The following SMARCD3 variants were observed in gnomAD, a reference collection of about 807,000 sequenced individuals.
SMARCD3 encodes the protein SWI/SNF-related matrix-associated actin-dependent regulator of chromatin subfamily D member 3.
Under a neutral mutation model 58.0 loss-of-function variants are expected in SMARCD3, and 14 were observed. The observed-to-expected ratio is 0.24, with a 90% CI of 0.16 to 0.38. The LOEUF is 0.38. Among genes scored for constraint, SMARCD3 ranks in the 10% least tolerant of loss-of-function variants. SMARCD3 has a pLI of 1.00. For synonymous variants in SMARCD3, 253 were observed against 253.8 expected, an observed-to-expected ratio of 1.00 and a Z score of 0.03; for missense variants, 408 against 636.9, an observed-to-expected ratio of 0.64 and a Z score of 3.87.
intron 2 of SMARCD3, among the ~76,000 whole-genome samples, chr7:151,270,461 A>G (rs1159029501): frequency 6.6e-6 from 1 of 152,184 alleles, no homozygotes; most frequent in Non-Finnish European, 1.5e-5. Flanking sequence ...ACTGTGTGGA[A>G]CAAGACAGAT....
At position 151,245,390 on chromosome 7, in the gene SMARCD3, T is replaced by C. The variant is rs1237632979; in HGVS notation, c.290+70A>G. The C allele has an allele frequency of 6.9e-6, 4 of 577,172 alleles. No individual in the cohort carries two copies. In the Admixed American group the frequency reaches 1.3e-4, roughly 19 times the overall value. 35.8% of individuals were successfully genotyped at this position (577,172 alleles called of 1,614,324 possible). ...GCCCCTTCCAATCCCCGCTACTCGC[T>C]TACCTGGTCCCTGCGGGTCCCCCAG... On this transcript the variant is annotated intron_variant, in intron 2 of 12. Transcript: ENST00000262188. This position sits in a 1 kb window ranked among gnomAD's most constrained non-coding sequence, Gnocchi z 6.2.
At chr7:151,253,844 A>T in intron 2 of SMARCD3, among the ~76,000 whole-genome samples, 1 of 152,092 alleles carries the variant, frequency 6.6e-6, no homozygotes, top group Non-Finnish European at 1.5e-5. Flanking sequence ...CTGGCGGGCA[A>T]TAGGGCCACG....
rs1584873201 is a variant in SMARCD3, at chr7:151,246,178, G to A, written c.79-507C>T. ...GCTTTGCTCTCTGCGGCTTGGTTGA[G>A]GTCCGGTACCCGGCTCCCTGCTCCG... On this transcript the variant is annotated intron_variant, in intron 1 of 12. Transcript: ENST00000262188. This position sits in a 1 kb window ranked among gnomAD's most constrained non-coding sequence, Gnocchi z 4.4. 6.5e-6 allele frequency: 1 copy of A among 152,792 alleles called. No homozygotes were observed. Among genetic ancestry groups the A allele is most frequent in the Non-Finnish European group, 1.5e-5 (1 of 68,474 alleles). The allele number at this position is 152,792 out of a possible 1,614,324, so 9.5% of individuals were successfully genotyped here.
chr7:151,262,675 G>A (rs1232813895), intron 2 of SMARCD3, among the ~76,000 whole-genome samples: 1 of 152,214 alleles, frequency 6.6e-6, no homozygotes, highest in Non-Finnish European at 1.5e-5. Context: ...GGCCCCGCGG[G>A]AGCAGGGAGG....
upstream of SMARCD3, among the ~76,000 whole-genome samples, chr7:151,253,653 G>A (rs530842803): frequency 6.6e-6 from 1 of 152,270 alleles, no homozygotes; most frequent in East Asian, 1.9e-4. Context: ...TTCACAGCAG[G>A]TTTTCTCTTA....
chr7:151,265,460 A>C (rs1302735935), intron 2 of SMARCD3, among the ~76,000 whole-genome samples: 1 of 152,204 alleles, frequency 6.6e-6, no homozygotes, highest in Non-Finnish European at 1.5e-5. Flanking sequence ...TCTGTTGTTT[A>C]AGCTGCCAGG....
chr7:151,260,298 C>T (rs1290920279), intron 2 of SMARCD3, among the ~76,000 whole-genome samples: 12 of 132,458 alleles, frequency 9.1e-5, no homozygotes, highest in Admixed American at 7.6e-4. Context: ...ATCAAGATCC[C>T]TGGAAGCCTG....
chr7:151,247,571 G>A (rs1803328470), intron 1 of SMARCD3, among the ~76,000 whole-genome samples: 1 of 152,070 alleles, frequency 6.6e-6, no homozygotes, highest in African/African-American at 2.4e-5. Flanking sequence ...TTACTGAGAG[G>A]GTGTCTTCCT....
chr7:151,259,074 G>A (rs542527895), intron 2 of SMARCD3, among the ~76,000 whole-genome samples: 6 of 152,126 alleles, frequency 3.9e-5, no homozygotes, highest in East Asian at 3.9e-4. Flanking sequence ...GCTCCAGGCC[G>A]GGTGCAGTGG....
Position 151,248,472 on chromosome 7 carries a change from T to C in SMARCD3, c.78+13A>G, listed in dbSNP as rs1389915994. ...GCTCGCTTGCCCTCCCCCGCTAACT[T>C]TCCCCCACTCACCACCCCATGGACC... On this transcript the variant is annotated intron_variant, in intron 1 of 12. Coordinates refer to ENST00000262188, the MANE Select transcript of SMARCD3 (RefSeq NM_001003801.2). This position sits in a 1 kb window ranked among gnomAD's most constrained non-coding sequence, Gnocchi z 6.1. 4.4e-6 allele frequency: 7 copies of C among 1,603,584 alleles called. No homozygotes were observed. Among genetic ancestry groups the C allele is most frequent in the Non-Finnish European group, 5.1e-6 (6 of 1,171,954 alleles).
intron 2 of SMARCD3, among the ~76,000 whole-genome samples, chr7:151,260,798 G>A (rs1191359968): frequency 6.6e-6 from 1 of 152,220 alleles, no homozygotes; most frequent in Non-Finnish European, 1.5e-5. Context: ...GGTAGGAGAA[G>A]CGATGAGAAC....
chr7:151,242,440 C>T lies in SMARCD3; in HGVS notation c.579+41G>A. 2 of 1,604,610 alleles carry T rather than the reference C, an allele frequency of 1.2e-6. No homozygotes were observed. On this transcript the variant is annotated intron_variant, in intron 5 of 12. Coordinates refer to ENST00000262188, the MANE Select transcript of SMARCD3 (RefSeq NM_001003801.2). This position sits in a 1 kb window ranked among gnomAD's most constrained non-coding sequence, Gnocchi z 4.7. Reference sequence around the variant, plus strand: ...TGTTCTGTTCTCAGTGCAGCCCATGCCCACCCCAGGACACCTGGAGAGACC... The same window carrying T: ...TGTTCTGTTCTCAGTGCAGCCCATGTCCACCCCAGGACACCTGGAGAGACC...
intron 2 of SMARCD3, among the ~76,000 whole-genome samples, chr7:151,259,615 T>TTTTTTTG (rs1803848661): frequency 7.4e-6 from 1 of 134,286 alleles, no homozygotes; most frequent in Non-Finnish European, 1.6e-5. Context: ...TTTTTTTTTT[T>TTTTTTTG]TTTTTTTTTT....
chr7:151,245,566 G>A lies in SMARCD3; in HGVS notation c.184C>T (p.Pro62Ser), dbSNP rs899283546. 88 of 1,174,288 alleles carry A rather than the reference G, an allele frequency of 7.5e-5. No individual in the cohort carries two copies. Among genetic ancestry groups the A allele is most frequent in the Middle Eastern group, 3.2e-4 (1 of 3,092 alleles). The allele number at this position is 1,174,288 out of a possible 1,614,324, so 72.7% of individuals were successfully genotyped here. ...TTGCGGGCGGGCTCCATGCCCGCGG[G>A]GGCCAGGCCGGGTCGCACGGCGGGG... The part of the protein sequence containing the change: ...GSPAVRPGLA[P>S]AGMEPARKRA... Residue 62 changes from proline (P) to serine (S), a missense_variant, in exon 2 of 13, where the codon CCC (proline) becomes TCC (serine). Transcript: ENST00000262188. The surrounding 1 kb of genome is among the most constrained non-coding windows in gnomAD (Gnocchi z 6.2).
chr7:151,259,601 G>GTTTTCTTTTTTTT (rs1803839487), intron 2 of SMARCD3, among the ~76,000 whole-genome samples: 1 of 70,532 alleles, frequency 1.4e-5, no homozygotes, highest in Non-Finnish European at 2.6e-5. Flanking sequence ...CAACCTGAGA[G>GTTTTCTTTTTTTT]TTTTTTTTTT....
intron 2 of SMARCD3, among the ~76,000 whole-genome samples, chr7:151,258,394 G>A (rs1247556005): frequency 6.6e-6 from 1 of 151,788 alleles, no homozygotes; most frequent in African/African-American, 2.4e-5. Context: ...GTGAAACCCC[G>A]TCTCTACTAA....
rs1257756140 is a variant in SMARCD3 at position 151,238,815 on chromosome 7, C to G, written c.*288G>C. ...ATGAAAATGTTATTAAACATGTCTT[C>G]TGCCAAACTGTTTTTAGGTCTAGGG... On this transcript the variant is annotated 3_prime_UTR_variant, in exon 13 of 13. Coordinates refer to ENST00000262188, the MANE Select transcript of SMARCD3 (RefSeq NM_001003801.2). 1.9e-5 allele frequency: 29 copies of G among 1,534,136 alleles called. No homozygotes were observed. The highest frequency in any genetic ancestry group is 2.4e-5 in the Non-Finnish European group (28 of 1,143,022).
chr7:151,238,997 AG>A lies in SMARCD3; in HGVS notation c.*105del. ...CTGTCAGATGAATGACTTTTAATCC[AG>A]CCCCACACCCCAAGGTGGCAGAGGA... On this transcript the variant is annotated 3_prime_UTR_variant, in exon 13 of 13. Coordinates refer to ENST00000262188, the MANE Select transcript of SMARCD3 (RefSeq NM_001003801.2). 3.2e-6 allele frequency: 4 copies of A among 1,247,400 alleles called. No homozygotes were observed. The highest frequency in any genetic ancestry group is 4.7e-6 in the Non-Finnish European group (4 of 849,128). 77.3% of individuals were successfully genotyped at this position (1,247,400 alleles called of 1,614,324 possible). A position where few individuals can be genotyped will look rare whatever the true frequency, so the allele number is the denominator to read the frequency against.
chr7:151,275,016 A>AG, intron 2 of SMARCD3: 1 of 956,374 alleles, frequency 1.0e-6, no homozygotes, highest in Non-Finnish European at 1.6e-6. Flanking sequence ...AAATGCCGGG[A>AG]GGGGGCCATG....
Sources: gnomAD v4.1 joint callset for allele counts (sites outside exome capture counted in the v4.1 genomes callset) on GRCh38, gnomAD v4.1.1 for gene constraint, Gnocchi (gnomAD v3.1) non-coding constraint, MANE v1.5 for transcripts, NCBI Gene and HGNC (gene_info 2026-07-23, HGNC 2026-07-21) for gene names.